The following WDR19 variants were observed in gnomAD, a reference collection of about 807,000 sequenced individuals.
WDR19 encodes the protein WD repeat-containing protein 19.
WDR19 carries 121 observed loss-of-function variants against 180.0 expected under a neutral mutation model. The ratio of observed to expected loss-of-function variants is 0.67; its 90% CI spans 0.58 to 0.78. The LOEUF (loss-of-function observed/expected upper bound fraction) is 0.78. Among genes scored for constraint, WDR19 ranks in the 30% least tolerant of loss-of-function variants. The pLI, the probability that WDR19 is intolerant of heterozygous loss-of-function variation, is 0.00. For missense variants in WDR19, 1,450 were observed against 1,640.7 expected (o/e 0.88, Z 2.01); for synonymous variants, 497 against 540.7 (o/e 0.92, Z 1.12).
chr4:39,254,145 T>G, intron 26 of WDR19, 115 bp downstream of exon 26: 3 of 1,032,924 alleles, frequency 2.9e-6, no homozygotes, highest in Non-Finnish European at 4.0e-6. Flanking sequence ...GGTGTAAATG[T>G]TTACCATTTA....
chr4:39,260,448 C>T (rs1359221381), intron 28 of WDR19, among the ~76,000 whole-genome samples: 1 of 151,146 alleles, frequency 6.6e-6, no homozygotes, highest in Non-Finnish European at 1.5e-5. Flanking sequence ...AGTGATTCTC[C>T]TGCCTCGGCC....
At chr4:39,200,760 G>A (rs573491105) in intron 6 of WDR19, among the ~76,000 whole-genome samples, 1 of 152,270 alleles carries the variant, frequency 6.6e-6, no homozygotes, top group South Asian at 2.1e-4. Flanking sequence ...GGCAGGGATG[G>A]GGACCACACA....
chr4:39,282,804 T>C (rs987185104), intron 36 of WDR19, among the ~76,000 whole-genome samples: 1 of 152,248 alleles, frequency 6.6e-6, no homozygotes, highest in Admixed American at 6.5e-5. Flanking sequence ...TTTCATTTTC[T>C]AATTGATTAC....
At chr4:39,191,022 G>A (rs1726095623) in intron 4 of WDR19, among the ~76,000 whole-genome samples, 1 of 152,176 alleles carries the variant, frequency 6.6e-6, no homozygotes, top group Admixed American at 6.5e-5. Context: ...TTCCCACAGT[G>A]TCTGTTTCTC....
chr4:39,263,722 C>T (rs947561932), intron 28 of WDR19, among the ~76,000 whole-genome samples: 10 of 152,016 alleles, frequency 6.6e-5, no homozygotes, highest in Non-Finnish European at 1.3e-4. Context: ...GTCAGAAGTT[C>T]GAGACCAGCC....
At chr4:39,244,695 CTTAGA>C (rs1732329307) in intron 23 of WDR19, 143 bp downstream of exon 23, 2 of 789,210 alleles carry the variant, frequency 2.5e-6, no homozygotes, top group African/African-American at 3.5e-5. Flanking sequence ...TTTTGTTCTC[CTTAGA>C]TAAGTTCATA....
intron 26 of WDR19, among the ~76,000 whole-genome samples, chr4:39,254,985 A>G (rs548356820): frequency 1.3e-5 from 2 of 152,324 alleles, no homozygotes; most frequent in African/African-American, 4.8e-5. Flanking sequence ...CAAGGAAACA[A>G]ATTAATTAGG....
At chr4:39,230,318 C>T (rs1560516362) in intron 17 of WDR19, among the ~76,000 whole-genome samples, 1 of 152,114 alleles carries the variant, frequency 6.6e-6, no homozygotes. Flanking sequence ...TACCCATCAG[C>T]GATAAGTGGA....
At chr4:39,208,699 T>C (rs548320176) in intron 9 of WDR19, among the ~76,000 whole-genome samples, 1 of 152,256 alleles carries the variant, frequency 6.6e-6, no homozygotes, top group East Asian at 1.9e-4. Flanking sequence ...AAAAAGACCA[T>C]ACAAATGCTA....
chr4:39,215,927 C>A lies in WDR19; in HGVS notation c.1048C>A (p.Leu350Ile), dbSNP rs1560501462. 1 of 1,613,778 alleles carries A rather than the reference C, an allele frequency of 6.2e-7. No individual in the cohort carries two copies. Among genetic ancestry groups the A allele is most frequent in the Non-Finnish European group, 8.5e-7 (1 of 1,179,782 alleles). ...RGSLHVFLTKLPILGDACSTR... is the reference protein window; with the variant it reads ...RGSLHVFLTKIPILGDACSTR... ...CTCACTTCATGTTTTCCTGACCAAGCTTCCCATACTTGGGGATGCCTGCAG... is the reference window on the plus strand; with the variant it reads ...CTCACTTCATGTTTTCCTGACCAAGATTCCCATACTTGGGGATGCCTGCAG... Residue 350 changes from leucine to isoleucine, a missense_variant, in exon 11 of 37, where the codon CTT (leucine) becomes ATT (isoleucine). Leu to Ile is a conservative substitution (Grantham distance 5). Coordinates refer to ENST00000399820, the MANE Select transcript of WDR19 (RefSeq NM_025132.4).
intron 15 of WDR19, among the ~76,000 whole-genome samples, chr4:39,227,261 C>T (rs549458329): frequency 6.6e-6 from 1 of 152,232 alleles, no homozygotes; most frequent in South Asian, 2.1e-4. Context: ...ATTTCATTCT[C>T]ATTTTGAGAG....
At chr4:39,281,894 A>G (rs1172771327) in intron 36 of WDR19, among the ~76,000 whole-genome samples, 1 of 152,174 alleles carries the variant, frequency 6.6e-6, no homozygotes, top group African/African-American at 2.4e-5. Context: ...CTTTATGGTC[A>G]GAGGACTGAA....
At chr4:39,216,043 T>G in intron 11 of WDR19, 30 bp downstream of exon 11, 1 of 1,538,086 alleles carries the variant, frequency 6.5e-7, no homozygotes, top group Non-Finnish European at 8.7e-7. Flanking sequence ...TTTCTTTTAT[T>G]TATTAATAAA....
intron 17 of WDR19, among the ~76,000 whole-genome samples, chr4:39,229,535 C>T (rs1730625875): frequency 1.3e-5 from 2 of 152,052 alleles, no homozygotes; most frequent in South Asian, 4.2e-4. Flanking sequence ...TTTGATTTTG[C>T]TTTGCTTATA....
intron 20 of WDR19, chr4:39,238,041 T>C (rs142107961): frequency 6.6e-6 from 1 of 152,364 alleles, no homozygotes; most frequent in African/African-American, 2.4e-5. Context: ...CACTTGACCA[T>C]GAAGCCACCG....
At chr4:39,192,853 C>G (rs1025649929) in intron 4 of WDR19, among the ~76,000 whole-genome samples, 5 of 152,150 alleles carry the variant, frequency 3.3e-5, no homozygotes, top group Non-Finnish European at 5.9e-5. Context: ...GAGTTCTGCC[C>G]AGGAATGGGC....
chr4:39,225,686 T>G (rs991193288), intron 15 of WDR19, among the ~76,000 whole-genome samples: 13 of 152,310 alleles, frequency 8.5e-5, no homozygotes, highest in African/African-American at 2.9e-4. Context: ...TAATACTGTT[T>G]CCAGGTGCCT....
chr4:39,233,832 CTT>C, intron 19 of WDR19, among the ~76,000 whole-genome samples: 1 of 152,302 alleles, frequency 6.6e-6, no homozygotes, highest in South Asian at 2.1e-4. Flanking sequence ...CATCTCAACT[CTT>C]TTGCATTTAA....
intron 31 of WDR19, among the ~76,000 whole-genome samples, chr4:39,272,033 G>GT (rs1250180624): frequency 4.6e-5 from 7 of 152,202 alleles, no homozygotes; most frequent in Admixed American, 6.5e-5. Flanking sequence ...TGCATCTGGA[G>GT]TTATAACTTG....
Sources: allele counts gnomAD v4.1 joint callset (sites outside exome capture counted in the v4.1 genomes callset), GRCh38; gene constraint gnomAD v4.1.1; transcripts MANE v1.5; gene names NCBI Gene and HGNC (gene_info 2026-07-23, HGNC 2026-07-21).